The following ANKRD24 variants were observed in gnomAD, a reference collection of about 807,000 sequenced individuals.
ANKRD24 encodes ankyrin repeat domain-containing protein 24.
ANKRD24 carries 109 observed loss-of-function variants against 127.8 expected under a neutral mutation model. The observed-to-expected ratio is 0.85, with a 90% CI of 0.73 to 1.00. The LOEUF (loss-of-function observed/expected upper bound fraction) is 1.00, where lower values mean the gene tolerates loss of function less well. ANKRD24 is among the 50% of genes least tolerant of loss of function. ANKRD24 has a pLI of 0.00. For synonymous variants in ANKRD24, 743 were observed against 671.1 expected, an observed-to-expected ratio of 1.11 and a Z score of -1.66; for missense variants, 1,648 against 1,570.2, an observed-to-expected ratio of 1.05 and a Z score of -0.84.
Position 4,223,401 on chromosome 19 carries a change from A to ATTT in ANKRD24, c.3297+623_3297+625dup, listed in dbSNP as rs1173862080. Among the ~76,000 whole-genome samples the ATTT allele has an allele frequency of 8.1e-4, 43 of 53,318 alleles. 3 individuals carry two copies. The highest frequency in any genetic ancestry group is 3.2e-3 in the African/African-American group (34 of 10,488). The allele number at this position is 53,318 out of a possible 152,430, so 35.0% of individuals were successfully genotyped here. ...TATATATATATATATATATATATAT[A>ATTT]TTTTTTTTTTTTTTTTTTTGAGCCA... is the stretch of plus-strand genomic sequence containing the variant. On this transcript the variant is annotated intron_variant, in intron 20 of 21. Transcript: ENST00000318934.
At chr19:4,188,870 C>T (rs1485778484) in intron 2 of ANKRD24, among the ~76,000 whole-genome samples, 2 of 151,898 alleles carry the variant, frequency 1.3e-5, no homozygotes, top group Non-Finnish European at 2.9e-5. Flanking sequence ...TGCAGTGGCA[C>T]GATCTCTGCT....
intron 1 of ANKRD24, 90 bp downstream of exon 1, chr19:4,182,830 A>C: frequency 1.3e-6 from 1 of 787,600 alleles, no homozygotes; most frequent in Non-Finnish European, 1.5e-6. Context: ...GTCACCTCTA[A>C]AATGCGGGAC....
chr19:4,194,911 G>C (rs938085150), intron 2 of ANKRD24, among the ~76,000 whole-genome samples: 2 of 152,168 alleles, frequency 1.3e-5, no homozygotes, highest in African/African-American at 4.8e-5. Context: ...AAGCCTGGAG[G>C]GCTGACAGTA....
At chr19:4,210,176 G>GGGGCT in intron 12 of ANKRD24, 38 bp downstream of exon 12, 1 of 1,577,906 alleles carries the variant, frequency 6.3e-7, no homozygotes, top group Non-Finnish European at 8.6e-7. Context: ...GGCATGGGGA[G>GGGGCT]CCCCCAGGCA....
chr19:4,198,548 G>A lies in ANKRD24; in HGVS notation c.37-1135G>A, dbSNP rs1240691046. 3.6e-6 allele frequency: 2 copies of A among 560,532 alleles called. No homozygotes were observed. The highest frequency in any genetic ancestry group is 6.4e-6 in the Non-Finnish European group (2 of 313,268). 34.7% of individuals were successfully genotyped at this position (560,532 alleles called of 1,614,324 possible). ...CTCCTTCGCGGTAGGGCCCGGGGAG[G>A]GGGCGCAGGAGCGGGCGGGGCGCGG... On this transcript the variant is annotated intron_variant, in intron 2 of 21. Transcript: ENST00000318934. The surrounding 1 kb of genome is among the most constrained non-coding windows in gnomAD (Gnocchi z 6.1).
chr19:4,207,128 G>A (rs1041638529), intron 7 of ANKRD24, 114 bp from the exon 8 acceptor site: 6 of 668,410 alleles, frequency 9.0e-6, no homozygotes, highest in Admixed American at 7.4e-5. Flanking sequence ...TCACTGTGTT[G>A]GCCCAGGTTG....
rs1315541240 is a variant in ANKRD24 at position 4,218,278 on chromosome 19, C to CTTTAT, written c.3003+123_3003+127dup. On this transcript the variant is annotated intron_variant, in intron 18 of 21. Coordinates refer to ENST00000318934, the MANE Select transcript of ANKRD24 (RefSeq NM_001393985.1). Reference sequence around the variant, plus strand: ...CATCAGTTTTACTTGAACAGACCTACTTTATTTTATTTATTTATTTATTTA... The same window carrying CTTTAT: ...CATCAGTTTTACTTGAACAGACCTACTTTATTTTATTTTATTTATTTATTTATTTA... 5.5e-6 allele frequency: 4 copies of CTTTAT among 727,074 alleles called. No individual in the cohort carries two copies. In the African/African-American group the frequency reaches 8.6e-5, roughly 16 times the overall value. The allele number at this position is 727,074 out of a possible 1,614,324, so 45.0% of individuals were successfully genotyped here.
rs775698019 is a variant in ANKRD24 at position 4,218,026 on chromosome 19, C to A, written c.2866C>A (p.Arg956=). ...CGCCCGGCTGCGCGCGGAGCTGGAG[C>A]GGGAGCGTGTGTGCAGCGTGGCGCT... ...EAARLRAELE[R]ERVCSVALSE... is the part of the protein sequence containing the mutation. The change falls in exon 18 of 22, where the codon CGG becomes AGG. Residue 956 remains arginine, a synonymous_variant. Transcript: ENST00000318934. 5.1e-6 allele frequency: 8 copies of A among 1,556,634 alleles called. No homozygotes were observed. In the Admixed American group the frequency reaches 1.3e-4, roughly 25 times the overall value.
In ANKRD24 at chr19:4,216,912, CG is replaced by C. The variant is rs775411569; in HGVS notation, c.1753del (p.Glu585ArgfsTer113). The C allele has an allele frequency of 6.3e-5, 102 of 1,609,352 alleles. No individual in the cohort carries two copies. Among genetic ancestry groups the C allele is most frequent in the Middle Eastern group, 4.9e-4 (3 of 6,072 alleles). ...CTATGGAAGCTGAGGCCACGGGAGC[CG>C]AGGCCACGGGAGCTGAGGCCACAGG... ...RTMEAEATGA[E>X]ATGAEATGAK... is the part of the protein sequence containing the mutation. On this transcript the variant is annotated frameshift_variant, in exon 18 of 22. Coordinates refer to ENST00000318934, the MANE Select transcript of ANKRD24 (RefSeq NM_001393985.1). LOFTEE classifies it high-confidence loss of function.
At chr19:4,209,104 C>T (rs1969553416) in intron 11 of ANKRD24, 3 of 285,284 alleles carry the variant, frequency 1.1e-5, no homozygotes, top group Non-Finnish European at 2.0e-5. Flanking sequence ...TCCCCTCTTT[C>T]AGTTTTTTTG....
At chr19:4,194,967 T>C (rs559541719) in intron 2 of ANKRD24, among the ~76,000 whole-genome samples, 19 of 150,696 alleles carry the variant, frequency 1.3e-4, no homozygotes, top group Non-Finnish European at 2.2e-4. Flanking sequence ...TTTGCTCTGA[T>C]TGATTGATTG....
At chr19:4,214,916 A>G (rs1969972504) in intron 15 of ANKRD24, among the ~76,000 whole-genome samples, 1 of 152,102 alleles carries the variant, frequency 6.6e-6, no homozygotes. Flanking sequence ...GGGGCCCCCA[A>G]CCCACAACAC....
chr19:4,223,221 C>CT (rs540900912), intron 20 of ANKRD24, among the ~76,000 whole-genome samples: 48 of 151,632 alleles, frequency 3.2e-4, no homozygotes, highest in African/African-American at 1.1e-3. Context: ...GCATAAGCCA[C>CT]TGCTCCTGGC....
At chr19:4,187,450 G>A (rs1007454496) in intron 2 of ANKRD24, among the ~76,000 whole-genome samples, 1 of 152,096 alleles carries the variant, frequency 6.6e-6, no homozygotes, top group African/African-American at 2.4e-5. Flanking sequence ...AGGGGAGTGG[G>A]GGAGAGAGTT....
intron 2 of ANKRD24, among the ~76,000 whole-genome samples, chr19:4,188,141 G>C (rs1968171804): frequency 6.7e-6 from 1 of 149,090 alleles, no homozygotes; most frequent in African/African-American, 2.5e-5. Context: ...GCCGTGGCTT[G>C]ATCTCGGCTC....
At position 4,217,043 on chromosome 19, in the gene ANKRD24, C is replaced by CAG; in HGVS notation, c.1885_1886dup (p.Asp629GlufsTer70). 1 of 1,613,914 alleles carries CAG rather than the reference C, an allele frequency of 6.2e-7. No homozygotes were observed. The highest frequency in any genetic ancestry group is 8.5e-7 in the Non-Finnish European group (1 of 1,179,896). On this transcript the variant is annotated frameshift_variant, in exon 18 of 22. Transcript: ENST00000318934. LOFTEE classifies it high-confidence loss of function. Reference sequence around the variant, plus strand: ...ACTAAGCCCACAGGAGCTCAGGCCACAGACACAGAGACCACGGGAGTGGAG... The same window carrying CAG: ...ACTAAGCCCACAGGAGCTCAGGCCACAGAGACACAGAGACCACGGGAGTGGAG...
chr19:4,216,222 C>T, intron 16 of ANKRD24, 62 bp from the exon 17 acceptor site: 1 of 1,487,662 alleles, frequency 6.7e-7, no homozygotes, highest in Admixed American at 2.0e-5. Flanking sequence ...CCACTCCAGC[C>T]CCCCACCTCC....
intron 2 of ANKRD24, among the ~76,000 whole-genome samples, chr19:4,188,147 G>C (rs1036872338): frequency 6.7e-6 from 1 of 148,852 alleles, no homozygotes; most frequent in African/African-American, 2.5e-5. Flanking sequence ...GCTTGATCTC[G>C]GCTCACTGCA....
In ANKRD24 at chr19:4,210,362, G is replaced by A. The variant is rs775921856; in HGVS notation, c.1049G>A (p.Arg350Lys). The change falls in exon 13 of 22, where the codon AGG becomes AAG. Residue 350 changes from arginine to lysine, a missense_variant. Transcript: ENST00000318934. Reference protein sequence around the residue: ...IRGLEQHKERRQQESPEASSL... With the variant: ...IRGLEQHKERKQQESPEASSL... The stretch of plus-strand genomic sequence containing the variant: ...GGCCTGGAACAGCACAAGGAACGGA[G>A]GCAGCAGGAGGTTAGGAGGCCTCGG... The A allele has an allele frequency of 6.4e-7, 1 of 1,559,258 alleles. No homozygotes were observed. Among genetic ancestry groups the A allele is most frequent in the Non-Finnish European group, 8.7e-7 (1 of 1,152,304 alleles).
Sources: gnomAD v4.1 joint callset for allele counts (sites outside exome capture counted in the v4.1 genomes callset) on GRCh38, gnomAD v4.1.1 for gene constraint, Gnocchi (gnomAD v3.1) non-coding constraint, MANE v1.5 for transcripts, NCBI Gene and HGNC (gene_info 2026-07-23, HGNC 2026-07-21) for gene names.